DNAH5: variants seen among roughly 807,000 people sequenced by gnomAD.
DNAH5 encodes the protein dynein axonemal heavy chain 5, also known as axonemal beta dynein heavy chain 5.
In DNAH5, 372 loss-of-function variants were observed where a neutral mutation model predicts 518.2. That is an observed-to-expected ratio of 0.72 (90% CI 0.66 to 0.78). DNAH5 has a LOEUF of 0.78. DNAH5 is among the 30% of genes least tolerant of loss of function. DNAH5 has a pLI of 0.00. For missense variants in DNAH5, 5,523 were observed against 5,687.0 expected (o/e 0.97, Z 0.93); for synonymous variants, 2,039 against 2,025.9 (o/e 1.01, Z -0.17).
At chr5:13,981,229 C>T (rs570816664) in intron 1 of DNAH5, among the ~76,000 whole-genome samples, 3 of 152,288 alleles carry the variant, frequency 2.0e-5, no homozygotes, top group South Asian at 4.1e-4. Flanking sequence ...GTGTTCAAAA[C>T]GTGTGTTGAG....
intron 43 of DNAH5, 113 bp downstream of exon 43, chr5:13,814,492 A>G (rs756818948): frequency 6.0e-6 from 6 of 1,005,612 alleles, no homozygotes; most frequent in Admixed American, 1.9e-5. Flanking sequence ...CACAAACATT[A>G]GCATAAAAAT....
At chr5:13,948,516 C>T (rs907033674), upstream of DNAH5, among the ~76,000 whole-genome samples, 1 of 151,600 alleles carries the variant, frequency 6.6e-6, no homozygotes, top group Non-Finnish European at 1.5e-5. Flanking sequence ...TTAAGGCAAG[C>T]CCTATAGAAG....
intron 1 of DNAH5, among the ~76,000 whole-genome samples, chr5:13,977,877 G>A (rs1374356023): frequency 6.6e-6 from 1 of 152,092 alleles, no homozygotes; most frequent in African/African-American, 2.4e-5. Flanking sequence ...TTGGCCACTG[G>A]GAAAGAGTCT....
chr5:13,749,290 A>G (rs961463753), intron 65 of DNAH5, among the ~76,000 whole-genome samples: 2 of 152,166 alleles, frequency 1.3e-5, no homozygotes, highest in African/African-American at 4.8e-5. Flanking sequence ...ATCATTTTGT[A>G]AGAATTATTT....
rs1249197129 is a variant in DNAH5, at chr5:14,000,367, C to G, written c.12+11281G>C. Among the ~76,000 whole-genome samples, 4 of 152,366 alleles carry G rather than the reference C, an allele frequency of 2.6e-5. No homozygotes were observed. In the East Asian group the frequency reaches 7.7e-4, roughly 29 times the overall value. ...GAGTGAGCACGGCCCTTGCCAACAC[C>G]TGGATTTCAGCTCCCAGCCTCCAAA... is the stretch of plus-strand genomic sequence containing the variant. On this transcript the variant is annotated intron_variant, in intron 1 of 78. Coordinates refer to the DNAH5 transcript ENST00000681290.
chr5:13,785,869 CT>C (rs1755907907), intron 52 of DNAH5, among the ~76,000 whole-genome samples: 1 of 152,182 alleles, frequency 6.6e-6, no homozygotes. Flanking sequence ...AAGATGTAGA[CT>C]TTGCCTGTGC....
chr5:13,799,285 T>C (rs1342286405), intron 47 of DNAH5, among the ~76,000 whole-genome samples: 3 of 151,274 alleles, frequency 2.0e-5, no homozygotes, highest in Non-Finnish European at 4.4e-5. Context: ...TGCACCTCCT[T>C]ATGGCCAACT....
intron 1 of DNAH5, among the ~76,000 whole-genome samples, chr5:13,977,991 T>A (rs1204108937): frequency 6.6e-6 from 1 of 152,176 alleles, no homozygotes; most frequent in African/African-American, 2.4e-5. Context: ...GGGAAAAGGC[T>A]GTGTATATAA....
intron 1 of DNAH5, among the ~76,000 whole-genome samples, chr5:13,976,710 T>TATAC (rs780402172): frequency 0.081 from 10,741 of 132,368 alleles, 442 homozygotes; most frequent in Non-Finnish European, 0.096. Context: ...TATATATATA[T>TATAC]ACACACACAC....
chr5:13,888,356 C>T (rs1054479915), intron 17 of DNAH5, among the ~76,000 whole-genome samples: 1 of 152,218 alleles, frequency 6.6e-6, no homozygotes, highest in Non-Finnish European at 1.5e-5. Flanking sequence ...GGCCTTTGCA[C>T]ATGCTATTCT....
intron 75 of DNAH5, among the ~76,000 whole-genome samples, chr5:13,711,211 A>G (rs1743432618): frequency 6.6e-6 from 1 of 152,356 alleles, no homozygotes; most frequent in Middle Eastern, 3.4e-3. Context: ...GGATGGTTTA[A>G]CATACGCAAG....
intron 70 of DNAH5, among the ~76,000 whole-genome samples, chr5:13,721,767 C>T (rs1645590273): frequency 6.6e-6 from 1 of 152,156 alleles, no homozygotes; most frequent in African/African-American, 2.4e-5. Flanking sequence ...GTCATTCCTT[C>T]CCACATTTGG....
intron 37 of DNAH5, 151 bp from the exon 38 acceptor site, chr5:13,829,855 A>G: frequency 9.1e-7 from 1 of 1,101,468 alleles, no homozygotes; most frequent in Non-Finnish European, 1.4e-6. Context: ...TGGACAGGCT[A>G]AGTCATGAGC....
intron 46 of DNAH5, 93 bp downstream of exon 46, chr5:13,808,951 C>T: frequency 6.7e-7 from 1 of 1,503,216 alleles, no homozygotes; most frequent in Non-Finnish European, 9.2e-7. Flanking sequence ...CAGAGTGAGA[C>T]TCCGTCTCAG....
At chr5:13,918,403 G>A (rs1192262663) in intron 7 of DNAH5, among the ~76,000 whole-genome samples, 1 of 152,188 alleles carries the variant, frequency 6.6e-6, no homozygotes, top group Non-Finnish European at 1.5e-5. Context: ...CAGAGTCAGA[G>A]GCACCCAGCT....
At chr5:14,001,827 C>T (rs181525885) in intron 1 of DNAH5, among the ~76,000 whole-genome samples, 15 of 152,190 alleles carry the variant, frequency 9.9e-5, no homozygotes, top group Admixed American at 9.2e-4. Context: ...CCACTCAGCC[C>T]ATTAGAGAGC....
rs75617358 is a variant in DNAH5 at position 13,863,160 on chromosome 5, T to C, written c.4597-413A>G. On this transcript the variant is annotated intron_variant, in intron 28 of 78. Transcript: ENST00000265104. ...AGGTAGCAGAAACCTGATTCTCCCA[T>C]GGCTCTGTTGACTTTCCCAGTCTCC... Among the ~76,000 whole-genome samples, 463 of 152,314 alleles carry C rather than the reference T, an allele frequency of 3.0e-3. 1 individual carries two copies. The highest frequency in any genetic ancestry group is 0.01 in the African/African-American group (425 of 41,564).
At chr5:13,969,879 C>T (rs776218176) in intron 1 of DNAH5, among the ~76,000 whole-genome samples, 3 of 151,870 alleles carry the variant, frequency 2.0e-5, no homozygotes, top group Non-Finnish European at 2.9e-5. Flanking sequence ...TCTGTCTTGA[C>T]GACCTGTAAC....
At chr5:13,972,561 A>G (rs1781949598) in intron 1 of DNAH5, among the ~76,000 whole-genome samples, 1 of 152,090 alleles carries the variant, frequency 6.6e-6, no homozygotes, top group African/African-American at 2.4e-5. Context: ...CTCTCAGTTC[A>G]TCTCAGCTCT....
Sources: gnomAD v4.1 joint callset for allele counts (sites outside exome capture counted in the v4.1 genomes callset) on GRCh38, gnomAD v4.1.1 for gene constraint, MANE v1.5 for transcripts, NCBI Gene and HGNC (gene_info 2026-07-23, HGNC 2026-07-21) for gene names.